TMEM272: variants seen among roughly 807,000 people sequenced by gnomAD.
The protein encoded by TMEM272 is transmembrane protein 272.
In TMEM272, 8 loss-of-function variants were observed where a neutral mutation model predicts 3.7. The ratio of observed to expected loss-of-function variants is 2.17; its 90% CI spans 1.27 to 3.91. The LOEUF is 3.91. TMEM272 is among the 30% of genes most tolerant of loss of function. The pLI, the probability that TMEM272 is intolerant of heterozygous loss-of-function variation, is 0.00. For missense variants in TMEM272, 166 were observed against 91.5 expected (o/e 1.81, Z -3.32); for synonymous variants, 63 against 39.8 (o/e 1.58, Z -2.20).
chr13:51,854,914 T>C, the TMEM272 span, among the ~76,000 whole-genome samples: 1 of 152,196 alleles, frequency 6.6e-6, no homozygotes, highest in Admixed American at 6.5e-5. Context: ...ATATGAGTAC[T>C]GCACTAGGTA....
the TMEM272 span, among the ~76,000 whole-genome samples, chr13:51,897,809 C>T: frequency 6.6e-6 from 1 of 150,858 alleles, no homozygotes; most frequent in South Asian, 2.1e-4. Context: ...TGCCTGTAAT[C>T]CCAGCTACTC....
At chr13:51,908,494 T>G in the TMEM272 span, 2 of 1,520,654 alleles carry the variant, frequency 1.3e-6, no homozygotes, top group South Asian at 1.1e-5. Flanking sequence ...CCTCTTCTCA[T>G]GAACGGGCCC....
At chr13:51,913,099 T>G in the TMEM272 span, among the ~76,000 whole-genome samples, 17 of 152,246 alleles carry the variant, frequency 1.1e-4, no homozygotes, top group African/African-American at 4.1e-4. Flanking sequence ...ATTCTCAGGG[T>G]TCAGTCTGTG....
At chr13:51,820,323 G>C (rs1332845263) in intron 4 of TMEM272, among the ~76,000 whole-genome samples, 2 of 152,140 alleles carry the variant, frequency 1.3e-5, no homozygotes, top group Non-Finnish European at 2.9e-5. Flanking sequence ...GGCAGGTTCT[G>C]AGGTTGAATA....
At chr13:51,881,277 A>G in the TMEM272 span, among the ~76,000 whole-genome samples, 1 of 152,192 alleles carries the variant, frequency 6.6e-6, no homozygotes, top group Non-Finnish European at 1.5e-5. Context: ...GTCATTCACC[A>G]GGGATAGTTC....
the TMEM272 span, among the ~76,000 whole-genome samples, chr13:51,869,678 C>T: frequency 0.013 from 1,988 of 151,992 alleles, 53 homozygotes; most frequent in African/African-American, 0.046. Flanking sequence ...TTAGTAGAGA[C>T]GGGGTTTCGC....
chr13:51,817,655 T>G (rs982462269), intron 4 of TMEM272, among the ~76,000 whole-genome samples: 2 of 151,410 alleles, frequency 1.3e-5, no homozygotes, highest in African/African-American at 4.8e-5. Context: ...CCAGCCTGCT[T>G]TCTCTCTTCT....
At chr13:51,902,369 T>G in the TMEM272 span, among the ~76,000 whole-genome samples, 1 of 152,232 alleles carries the variant, frequency 6.6e-6, no homozygotes, top group Non-Finnish European at 1.5e-5. Context: ...TAGCTGCTGC[T>G]ATTGATGTTG....
At chr13:51,871,524 C>A in the TMEM272 span, among the ~76,000 whole-genome samples, 1 of 152,002 alleles carries the variant, frequency 6.6e-6, no homozygotes, top group Non-Finnish European at 1.5e-5. Context: ...ACATAGGGAG[C>A]AAATGAAGCC....
chr13:51,835,371 T>C (rs619869), intron 2 of TMEM272, among the ~76,000 whole-genome samples: 137,969 of 151,838 alleles, frequency 0.91, 62,846 homozygotes, highest in East Asian at 1. Context: ...AATACAGTCG[T>C]GCACCACCAC....
the TMEM272 span, among the ~76,000 whole-genome samples, chr13:51,872,774 T>C: frequency 6.6e-6 from 1 of 152,250 alleles, no homozygotes; most frequent in Non-Finnish European, 1.5e-5. Flanking sequence ...TGGAGGGTGT[T>C]AGAACAATGG....
chr13:51,845,535 T>TGG (rs1251728070), upstream of TMEM272, among the ~76,000 whole-genome samples: 12 of 151,972 alleles, frequency 7.9e-5, no homozygotes, highest in African/African-American at 2.9e-4. Flanking sequence ...AGGTGCCCTA[T>TGG]GGACTTCAGG....
At chr13:51,886,096 T>C in the TMEM272 span, among the ~76,000 whole-genome samples, 1 of 152,180 alleles carries the variant, frequency 6.6e-6, no homozygotes, top group African/African-American at 2.4e-5. Flanking sequence ...ACACCCATCA[T>C]TCTCCTTTAT....
the TMEM272 span, among the ~76,000 whole-genome samples, chr13:51,893,312 T>C: frequency 6.6e-6 from 1 of 152,230 alleles, no homozygotes; most frequent in Non-Finnish European, 1.5e-5. Flanking sequence ...CAGTATTAAA[T>C]GCATCAAAAG....
the TMEM272 span, among the ~76,000 whole-genome samples, chr13:51,882,144 C>T: frequency 6.6e-6 from 1 of 152,234 alleles, no homozygotes; most frequent in Admixed American, 6.5e-5. Context: ...AAATTAGCCA[C>T]TCATTTATTC....
At chr13:51,894,053 T>C in the TMEM272 span, among the ~76,000 whole-genome samples, 1 of 152,216 alleles carries the variant, frequency 6.6e-6, no homozygotes, top group African/African-American at 2.4e-5. Context: ...AAATTGAGAC[T>C]AAATGGATAC....
chr13:51,824,290 G>A (rs1956104770), intron 3 of TMEM272, among the ~76,000 whole-genome samples: 1 of 151,946 alleles, frequency 6.6e-6, no homozygotes, highest in African/African-American at 2.4e-5. Flanking sequence ...TATTCTTTTT[G>A]GTTTTAGATC....
At chr13:51,827,399 A>C (rs998094240) in intron 2 of TMEM272, among the ~76,000 whole-genome samples, 3 of 152,222 alleles carry the variant, frequency 2.0e-5, no homozygotes, top group African/African-American at 4.8e-5. Context: ...CAAGGACCTC[A>C]GGGTATGGCA....
intron 2 of TMEM272, among the ~76,000 whole-genome samples, chr13:51,836,990 G>T (rs1209247487): frequency 6.6e-6 from 1 of 152,230 alleles, no homozygotes; most frequent in African/African-American, 2.4e-5. Flanking sequence ...TCACTGTGCA[G>T]TGAAGGACCT....
Sources: gnomAD v4.1 joint callset for allele counts (sites outside exome capture counted in the v4.1 genomes callset) on GRCh38, gnomAD v4.1.1 for gene constraint, MANE v1.5 for transcripts, NCBI Gene and HGNC (gene_info 2026-07-23, HGNC 2026-07-21) for gene names.